RDH10: variants seen among roughly 807,000 people sequenced by gnomAD.
The protein encoded by RDH10 is retinol dehydrogenase 10 (all-trans).
A neutral mutation model predicts 30.2 loss-of-function variants in RDH10; 12 were observed. The ratio of observed to expected loss-of-function variants is 0.40; its 90% CI spans 0.25 to 0.64. RDH10 has a LOEUF of 0.64. Ranked by LOEUF, RDH10 falls within the 30% of genes least tolerant of loss-of-function variation. RDH10 has a pLI of 0.43. For synonymous variants in RDH10, 189 were observed against 172.2 expected, an observed-to-expected ratio of 1.10 and a Z score of -0.76; for missense variants, 268 against 445.2, an observed-to-expected ratio of 0.60 and a Z score of 3.58.
intron 2 of RDH10, among the ~76,000 whole-genome samples, chr8:73,310,752 A>G (rs1026427419): frequency 6.6e-6 from 1 of 152,180 alleles, no homozygotes; most frequent in South Asian, 2.1e-4. Flanking sequence ...CTGAGGCTGA[A>G]GGAGATCATC....
At chr8:73,321,596 A>G in intron 4 of RDH10, 1 of 352,964 alleles carries the variant, frequency 2.8e-6, no homozygotes, top group South Asian at 2.2e-5. Context: ...AACCATTTAG[A>G]TATACTGAAA....
intron 2 of RDH10, among the ~76,000 whole-genome samples, chr8:73,313,910 A>G (rs1013945644): frequency 6.6e-6 from 1 of 152,206 alleles, no homozygotes; most frequent in South Asian, 2.1e-4. Context: ...CTCCTGATCT[A>G]TCCATCCTTA....
At chr8:73,309,823 C>G (rs1814531923) in intron 2 of RDH10, among the ~76,000 whole-genome samples, 1 of 152,088 alleles carries the variant, frequency 6.6e-6, no homozygotes, top group Non-Finnish European at 1.5e-5. Context: ...TTTTTCTTGT[C>G]AGACTGGTGG....
At chr8:73,318,375 C>T (rs1222299606) in intron 2 of RDH10, among the ~76,000 whole-genome samples, 2 of 152,224 alleles carry the variant, frequency 1.3e-5, no homozygotes, top group African/African-American at 4.8e-5. Flanking sequence ...ACTTGTGCCA[C>T]ACTCTCTGCC....
At chr8:73,301,831 C>T (rs1419045268) in intron 2 of RDH10, among the ~76,000 whole-genome samples, 1 of 152,222 alleles carries the variant, frequency 6.6e-6, no homozygotes, top group East Asian at 1.9e-4. Context: ...CTGTCTCACC[C>T]TTGTTGTCAC....
chr8:73,305,251 A>G (rs1004781798), intron 2 of RDH10, among the ~76,000 whole-genome samples: 2 of 152,198 alleles, frequency 1.3e-5, no homozygotes, highest in Non-Finnish European at 2.9e-5. Flanking sequence ...TACTCTGATC[A>G]TGCTTCAGAT....
intron 2 of RDH10, among the ~76,000 whole-genome samples, chr8:73,300,732 T>C (rs1814358461): frequency 6.6e-6 from 1 of 152,238 alleles, no homozygotes; most frequent in African/African-American, 2.4e-5. Flanking sequence ...TCCCTCTACC[T>C]GAAACACCCT....
chr8:73,305,420 A>G (rs1586189648), intron 2 of RDH10, among the ~76,000 whole-genome samples: 2 of 152,238 alleles, frequency 1.3e-5, no homozygotes, highest in African/African-American at 4.8e-5. Flanking sequence ...GTTGAGAAAT[A>G]TTAATAGCAA....
rs144052765 is a variant in RDH10, at chr8:73,308,778, G to A, written c.526-10318G>A. Reference sequence around the variant, plus strand: ...TTGAACCAGGCTTTACCTGATAAATGCTAGGGGTAGGAGGCACTGGGAACA... The same window carrying A: ...TTGAACCAGGCTTTACCTGATAAATACTAGGGGTAGGAGGCACTGGGAACA... On this transcript the variant is annotated intron_variant, in intron 2 of 5. Coordinates refer to ENST00000240285, the MANE Select transcript of RDH10 (RefSeq NM_172037.5). Among the ~76,000 whole-genome samples, 624 of 152,248 alleles carry A rather than the reference G, an allele frequency of 4.1e-3. 6 individuals carry two copies. Among genetic ancestry groups the A allele is most frequent in the African/African-American group, 0.014 (601 of 41,536 alleles).
intron 4 of RDH10, chr8:73,321,713 A>G: frequency 2.3e-6 from 1 of 429,374 alleles, no homozygotes; most frequent in Non-Finnish European, 4.7e-6. Flanking sequence ...TGAATCATTA[A>G]GAGGATGCTT....
chr8:73,314,426 C>A (rs1316495715), intron 2 of RDH10, among the ~76,000 whole-genome samples: 1 of 152,166 alleles, frequency 6.6e-6, no homozygotes. Context: ...TTTAATAATG[C>A]GCCCCAGACA....
Position 73,295,961 on chromosome 8 carries a change from C to T in RDH10, c.289+383C>T, listed in dbSNP as rs1814256305. ...ACTGAAGCGTCTTTGGGAAGTTGTT[C>T]TGACTAGACTGAAGAAGTGTCTGTC... On this transcript the variant is annotated intron_variant, in intron 1 of 5. Coordinates refer to ENST00000240285, the MANE Select transcript of RDH10 (RefSeq NM_172037.5). 30 of 399,972 alleles carry T rather than the reference C, an allele frequency of 7.5e-5. 1 individual carries two copies. In the South Asian group the frequency reaches 2.0e-3, roughly 27 times the overall value. 24.8% of individuals were successfully genotyped at this position (399,972 alleles called of 1,614,324 possible). A position where few individuals can be genotyped will look rare whatever the true frequency, so the allele number is the denominator to read the frequency against.
intron 2 of RDH10, chr8:73,298,090 C>T (rs919492020): frequency 3.9e-5 from 6 of 154,096 alleles, no homozygotes; most frequent in Admixed American, 2.5e-4. Flanking sequence ...TCATGATCTA[C>T]GGAGGGGAGC....
In RDH10 at chr8:73,322,934, T is replaced by A. The variant is rs892854795; in HGVS notation, c.924T>A (p.Val308=). Residue 308 remains valine, a synonymous_variant, in exon 6 of 6, where the codon GTT becomes GTA. Transcript: ENST00000240285. The part of the protein sequence containing the change: ...FMKSILPFEA[V]VCMYRFLGAD... ...TCAGCATCCTACCATTTGAAGCAGT[T>A]GTGTGCATGTATCGGTTCCTAGGAG... 8 of 1,614,198 alleles carry A rather than the reference T, an allele frequency of 5.0e-6. No individual in the cohort carries two copies. The highest frequency in any genetic ancestry group is 6.8e-6 in the Non-Finnish European group (8 of 1,180,020).
At chr8:73,305,925 C>T (rs879866649) in intron 2 of RDH10, among the ~76,000 whole-genome samples, 5 of 152,198 alleles carry the variant, frequency 3.3e-5, no homozygotes, top group African/African-American at 4.8e-5. Flanking sequence ...ATATGTTAAT[C>T]TTTCTTATCA....
rs1814215094 is a variant in RDH10 at position 73,294,612 on chromosome 8, C to T, written c.-678C>T. Reference sequence around the variant, plus strand: ...GCGTGGAGCCCGCTCAGAGCCGGCCCGGAGCGCTCTGACTTGCAAGCGGGC... The same window carrying T: ...GCGTGGAGCCCGCTCAGAGCCGGCCTGGAGCGCTCTGACTTGCAAGCGGGC... On this transcript the variant is annotated 5_prime_UTR_variant, in exon 1 of 6. Transcript: ENST00000240285. 2 of 288,988 alleles carry T rather than the reference C, an allele frequency of 6.9e-6. No homozygotes were observed. The highest frequency in any genetic ancestry group is 1.3e-5 in the Non-Finnish European group (2 of 156,096). 17.9% of individuals were successfully genotyped at this position (288,988 alleles called of 1,614,324 possible).
rs749825192 is a variant in RDH10 at position 73,296,648 on chromosome 8, A to G, written c.290-546A>G. Among the ~76,000 whole-genome samples the G allele has an allele frequency of 4.6e-5, 7 of 152,242 alleles. 1 individual carries two copies. The highest frequency in any genetic ancestry group is 6.3e-3 in the Middle Eastern group (2 of 316). On this transcript the variant is annotated intron_variant, in intron 1 of 5. Coordinates refer to ENST00000240285, the MANE Select transcript of RDH10 (RefSeq NM_172037.5). ...GAGTACTTCTTAGAGGAGTCAGCCC[A>G]GTTAGAACAAGCCAGTGATCCCTAT...
intron 2 of RDH10, among the ~76,000 whole-genome samples, chr8:73,305,578 CTTGT>C (rs1814452358): frequency 3.3e-5 from 5 of 152,116 alleles, no homozygotes; most frequent in African/African-American, 1.2e-4. Flanking sequence ...TGTTTGCTTG[CTTGT>C]TTTTCTATGC....
At chr8:73,318,356 C>T (rs922813145) in intron 2 of RDH10, among the ~76,000 whole-genome samples, 1 of 152,192 alleles carries the variant, frequency 6.6e-6, no homozygotes, top group African/African-American at 2.4e-5. Flanking sequence ...CTGGGTCCCC[C>T]AGCCTGGAAC....
Sources: allele counts gnomAD v4.1 joint callset (sites outside exome capture counted in the v4.1 genomes callset), GRCh38; gene constraint gnomAD v4.1.1; transcripts MANE v1.5; gene names NCBI Gene and HGNC (gene_info 2026-07-23, HGNC 2026-07-21).